Variants in GREB1L observed in about 807,000 individuals in gnomAD.
The protein encoded by GREB1L is GREB1-like protein.
Under a neutral mutation model 200.8 loss-of-function variants are expected in GREB1L, and 17 were observed. The observed-to-expected ratio is 0.08, with a 90% CI of 0.06 to 0.13. The LOEUF (loss-of-function observed/expected upper bound fraction) is 0.13, where lower values mean the gene tolerates loss of function less well. GREB1L is among the 10% of genes least tolerant of loss of function. GREB1L has a pLI of 1.00. For missense variants in GREB1L, 1,657 were observed against 2,367.7 expected, an observed-to-expected ratio of 0.70 and a Z score of 6.23; for synonymous variants, 789 against 893.0, an observed-to-expected ratio of 0.88 and a Z score of 2.08.
chr18:21,378,873 T>C (rs1187747725), intron 2 of GREB1L, among the ~76,000 whole-genome samples: 2 of 151,560 alleles, frequency 1.3e-5, no homozygotes, highest in African/African-American at 4.8e-5. Flanking sequence ...AATTTAGTGT[T>C]TTTTTTTTCG....
intron 1 of GREB1L, among the ~76,000 whole-genome samples, chr18:21,354,533 C>A (rs2039477617): frequency 6.6e-6 from 1 of 152,132 alleles, no homozygotes; most frequent in African/African-American, 2.4e-5. Flanking sequence ...ATAATTTTTG[C>A]TTTCATGGAG....
chr18:21,383,125 C>T (rs767515241), intron 2 of GREB1L, among the ~76,000 whole-genome samples: 2 of 151,956 alleles, frequency 1.3e-5, no homozygotes, highest in Non-Finnish European at 2.9e-5. Flanking sequence ...ACTCTGAAAC[C>T]ACTGATAGAG....
At chr18:21,419,108 T>C (rs2031917869) in intron 7 of GREB1L, among the ~76,000 whole-genome samples, 1 of 152,228 alleles carries the variant, frequency 6.6e-6, no homozygotes, top group South Asian at 2.1e-4. Context: ...CCGTATAGTT[T>C]TGCTGTAGCT....
At chr18:21,426,382 G>A (rs959098316) in intron 7 of GREB1L, among the ~76,000 whole-genome samples, 2 of 152,152 alleles carry the variant, frequency 1.3e-5, no homozygotes, top group African/African-American at 4.8e-5. Context: ...TATGTGGTAT[G>A]AGGAAGAGGT....
intron 15 of GREB1L, among the ~76,000 whole-genome samples, chr18:21,466,333 A>G (rs2035261717): frequency 6.6e-6 from 1 of 152,160 alleles, no homozygotes; most frequent in South Asian, 2.1e-4. Context: ...AAAGAATGCT[A>G]AATTTTTTCC....
intron 1 of GREB1L, among the ~76,000 whole-genome samples, chr18:21,337,537 G>A (rs1206624606): frequency 6.6e-6 from 1 of 152,130 alleles, no homozygotes; most frequent in African/African-American, 2.4e-5. Flanking sequence ...CACCCTTCTT[G>A]AGGAATTCTG....
chr18:21,309,163 A>G (rs1304402281), intron 1 of GREB1L, among the ~76,000 whole-genome samples: 1 of 152,340 alleles, frequency 6.6e-6, no homozygotes, highest in Middle Eastern at 3.4e-3. Flanking sequence ...GTCTTTAAAA[A>G]GTTTCTTCAC....
intron 16 of GREB1L, among the ~76,000 whole-genome samples, chr18:21,475,672 TGAAA>T (rs952532285): frequency 4.0e-5 from 6 of 151,708 alleles, no homozygotes; most frequent in African/African-American, 1.5e-4. Flanking sequence ...AACTTATTAA[TGAAA>T]GAAAAGTTGG....
rs1036639935 is a variant in GREB1L, at chr18:21,441,401, G to A, written c.1071G>A (p.Glu357=). The part of the protein sequence containing the change: ...VPTVRPLSRT[E]PLLSAPVPQT... ...CTTGTCAAACTTTTTTTTTTCCAGA[G>A]CCCCTTTTATCTGCCCCAGTTCCAC... Residue 357 remains glutamate (E), a splice_region_variant and synonymous_variant, in exon 10 of 33, where the codon GAG becomes GAA. Transcript: ENST00000424526. The A allele has an allele frequency of 1.8e-5, 28 of 1,513,742 alleles. No homozygotes were observed. The highest frequency in any genetic ancestry group is 2.3e-5 in the Non-Finnish European group (26 of 1,134,090). 93.8% of individuals were successfully genotyped at this position (1,513,742 alleles called of 1,614,324 possible). A position where few individuals can be genotyped will look rare whatever the true frequency, so the allele number is the denominator to read the frequency against.
chr18:21,306,494 C>CT (rs534776772), intron 1 of GREB1L, among the ~76,000 whole-genome samples: 17 of 152,258 alleles, frequency 1.1e-4, no homozygotes, highest in African/African-American at 4.1e-4. Flanking sequence ...GCATACTTTT[C>CT]TTTGCAACTT....
In GREB1L at chr18:21,523,086, A is replaced by C; in HGVS notation, c.*265A>C. On this transcript the variant is annotated 3_prime_UTR_variant, in exon 33 of 33. Transcript: ENST00000424526. ...ACTTAAGATACGGTCTGCCCATGGG[A>C]TCCTGAGGAGGATATACTTTGGAGA... is the stretch of plus-strand genomic sequence containing the variant. 3.1e-6 allele frequency: 1 copy of C among 320,852 alleles called. No individual in the cohort carries two copies. Among genetic ancestry groups the C allele is most frequent in the Non-Finnish European group, 5.7e-6 (1 of 176,050 alleles). 19.9% of individuals were successfully genotyped at this position (320,852 alleles called of 1,614,324 possible).
chr18:21,423,637 A>T (rs1310583567), intron 7 of GREB1L, among the ~76,000 whole-genome samples: 1 of 152,214 alleles, frequency 6.6e-6, no homozygotes, highest in South Asian at 2.1e-4. Flanking sequence ...AGGCAGGAGG[A>T]TCACTTGAGC....
At chr18:21,367,313 A>G (rs2039713368) in intron 2 of GREB1L, among the ~76,000 whole-genome samples, 4 of 152,202 alleles carry the variant, frequency 2.6e-5, no homozygotes, top group Admixed American at 2.6e-4. Flanking sequence ...CGTCTATAAG[A>G]GTCAATATAG....
At chr18:21,367,704 A>C (rs2039727275) in intron 2 of GREB1L, among the ~76,000 whole-genome samples, 1 of 152,216 alleles carries the variant, frequency 6.6e-6, no homozygotes, top group South Asian at 2.1e-4. Flanking sequence ...TGTTGATAGA[A>C]AGGGCTGTCA....
intron 7 of GREB1L, among the ~76,000 whole-genome samples, chr18:21,423,131 A>T (rs2032291846): frequency 6.6e-6 from 1 of 152,078 alleles, no homozygotes; most frequent in Admixed American, 6.6e-5. Flanking sequence ...GGGTTTCACC[A>T]TGTTGGCCGG....
In GREB1L at chr18:21,367,224, TA is replaced by T. The variant is rs370068702; in HGVS notation, c.-10+1089del. Among the ~76,000 whole-genome samples the T allele has an allele frequency of 3.9e-5, 6 of 152,300 alleles. No individual in the cohort carries two copies. In the Middle Eastern group the frequency reaches 0.01, roughly 259 times the overall value. On this transcript the variant is annotated intron_variant, in intron 2 of 32. Transcript: ENST00000424526. ...TGTTGTGAAAAGGTTTTATGAGTCT[TA>T]TGGCAAAAACTCCTGATTTATCTAA... is the stretch of plus-strand genomic sequence containing the variant.
At chr18:21,438,546 A>G (rs1212510082) in intron 7 of GREB1L, among the ~76,000 whole-genome samples, 14 of 151,962 alleles carry the variant, frequency 9.2e-5, no homozygotes, top group South Asian at 2.1e-4. Context: ...GCACACTCCT[A>G]TAGTCCCAGC....
chr18:21,489,824 C>T (rs957305614), intron 18 of GREB1L, among the ~76,000 whole-genome samples, 188 bp from the exon 19 acceptor site: 1 of 152,168 alleles, frequency 6.6e-6, no homozygotes, highest in African/African-American at 2.4e-5. Context: ...GGTTGATTCA[C>T]ATGCTTTGGA....
At chr18:21,432,182 C>G (rs1311506720) in intron 7 of GREB1L, among the ~76,000 whole-genome samples, 1 of 152,106 alleles carries the variant, frequency 6.6e-6, no homozygotes, top group Non-Finnish European at 1.5e-5. Context: ...CTCGGCCTCC[C>G]AAAGTCCTGG....
Sources: gnomAD v4.1 joint callset for allele counts (sites outside exome capture counted in the v4.1 genomes callset) on GRCh38, gnomAD v4.1.1 for gene constraint, MANE v1.5 for transcripts, NCBI Gene and HGNC (gene_info 2026-07-23, HGNC 2026-07-21) for gene names.